The following CACNA1I variants were observed in gnomAD, a reference collection of about 807,000 sequenced individuals.
CACNA1I encodes the protein calcium voltage-gated channel subunit alpha1 I.
Under a neutral mutation model 201.6 loss-of-function variants are expected in CACNA1I, and 74 were observed. That is an observed-to-expected ratio of 0.37 (90% CI 0.30 to 0.45). CACNA1I has a LOEUF of 0.45. Among genes scored for constraint, CACNA1I ranks in the 20% least tolerant of loss-of-function variants. The pLI is 1.00. For synonymous variants in CACNA1I, 1,431 were observed against 1,345.2 expected (o/e 1.06, Z -1.40); for missense variants, 2,346 against 3,138.1 (o/e 0.75, Z 6.03).
intron 4 of CACNA1I, among the ~76,000 whole-genome samples, chr22:39,626,620 C>T (rs563545116): frequency 2.0e-5 from 3 of 151,840 alleles, no homozygotes; most frequent in Admixed American, 6.6e-5. Context: ...TTCTTTGAGA[C>T]GGAGTCTTGC....
rs1036442285 is a variant in CACNA1I, at chr22:39,677,440, G to A, written c.4933+21G>A. ...GCTGGGTGAGTGACTCCCAGAGCAG[G>A]CCCGTGGTGGGGGTGCAGCAGGGCT... is the stretch of plus-strand genomic sequence containing the variant. On this transcript the variant is annotated intron_variant, in intron 30 of 36. Coordinates refer to ENST00000402142, the MANE Select transcript of CACNA1I (RefSeq NM_021096.4). This position sits in a 1 kb window ranked among gnomAD's most constrained non-coding sequence, Gnocchi z 4.8. The A allele has an allele frequency of 1.3e-5, 19 of 1,505,480 alleles. No homozygotes were observed. Among genetic ancestry groups the A allele is most frequent in the Middle Eastern group, 1.7e-4 (1 of 5,778 alleles). 93.3% of individuals were successfully genotyped at this position (1,505,480 alleles called of 1,614,324 possible). A position where few individuals can be genotyped will look rare whatever the true frequency, so the allele number is the denominator to read the frequency against.
chr22:39,597,766 A>G (rs918174887), intron 1 of CACNA1I, among the ~76,000 whole-genome samples: 4 of 152,212 alleles, frequency 2.6e-5, no homozygotes, highest in African/African-American at 9.6e-5. Flanking sequence ...GGGGAGGGAA[A>G]GGTGGTCAGA....
At chr22:39,644,074 G>T (rs1203380394) in intron 7 of CACNA1I, among the ~76,000 whole-genome samples, 2 of 152,222 alleles carry the variant, frequency 1.3e-5, no homozygotes, top group Non-Finnish European at 2.9e-5. Flanking sequence ...CCTGGAGGAG[G>T]TGATGCCAGA....
chr22:39,669,781 G>A (rs527968670), intron 24 of CACNA1I, among the ~76,000 whole-genome samples: 1 of 152,322 alleles, frequency 6.6e-6, no homozygotes, highest in South Asian at 2.1e-4. Flanking sequence ...ATAGGTCAAT[G>A]AGAGGAAGAA....
chr22:39,575,873 C>G (rs1195142617), intron 1 of CACNA1I, among the ~76,000 whole-genome samples: 6 of 151,808 alleles, frequency 4.0e-5, no homozygotes, highest in Non-Finnish European at 7.4e-5. Context: ...CTCCTGGGTT[C>G]AAGTGATTCT....
Position 39,684,478 on chromosome 22 carries a change from A to C in CACNA1I, c.6007A>C (p.Asn2003His). The change falls in exon 36 of 37, where the codon AAC becomes CAC. Residue 2003 changes from asparagine (N) to histidine (H), a missense_variant. Asn to His is a moderately conservative substitution (Grantham distance 68, BLOSUM62 1). Around this residue, in one of 13 missense-constraint regions of CACNA1I, gnomAD observed 441 missense variants for 555.6 expected, o/e 0.79. Coordinates refer to ENST00000402142, the MANE Select transcript of CACNA1I (RefSeq NM_021096.4). This position sits in a 1 kb window ranked among gnomAD's most constrained non-coding sequence, Gnocchi z 4.6. The part of the protein sequence containing the change: ...SWASLRSPRV[N>H]CTLLRQATGS... ...GGCATCTCTGCGGTCACCAAGGGTC[A>C]ACTGTACCCTCCTCCGGCAGGTACC... is the stretch of plus-strand genomic sequence containing the variant. The C allele has an allele frequency of 6.2e-7, 1 of 1,613,236 alleles. No individual in the cohort carries two copies. Among genetic ancestry groups the C allele is most frequent in the Admixed American group, 1.7e-5 (1 of 60,002 alleles).
chr22:39,666,647 C>A lies in CACNA1I; in HGVS notation c.4104+641C>A, dbSNP rs1935206917. Among the ~76,000 whole-genome samples, 1 of 152,218 alleles carries A rather than the reference C, an allele frequency of 6.6e-6. No homozygotes were observed. Among genetic ancestry groups the A allele is most frequent in the Non-Finnish European group, 1.5e-5 (1 of 68,028 alleles). The stretch of plus-strand genomic sequence containing the variant: ...TGCTCTCATTTCTCGAGGGCCTGCC[C>A]AGGAGGCCAGGTATGTCCAGACGTA... On this transcript the variant is annotated intron_variant, in intron 23 of 36. Coordinates refer to ENST00000402142, the MANE Select transcript of CACNA1I (RefSeq NM_021096.4). The surrounding 1 kb of genome is among the most constrained non-coding windows in gnomAD (Gnocchi z 4.1).
At chr22:39,598,298 T>TGCC (rs1555902391) in intron 2 of CACNA1I, 36 bp downstream of exon 2, 159 of 878,632 alleles carry the variant, frequency 1.8e-4, no homozygotes, top group Non-Finnish European at 2.1e-4. Flanking sequence ...CGCCCTGCCC[T>TGCC]CATCCTCCAG....
At chr22:39,616,782 A>G (rs983383481) in intron 3 of CACNA1I, among the ~76,000 whole-genome samples, 2 of 60,354 alleles carry the variant, frequency 3.3e-5, no homozygotes, top group Non-Finnish European at 5.7e-5. Flanking sequence ...AAAAAAAAAA[A>G]AAAAAGAAAA....
chr22:39,650,075 T>A, intron 10 of CACNA1I, 150 bp downstream of exon 10: 1 of 792,902 alleles, frequency 1.3e-6, no homozygotes, highest in Non-Finnish European at 2.0e-6. Flanking sequence ...TTCATCCATG[T>A]GACCTTACTG....
intron 25 of CACNA1I, 86 bp from the exon 26 acceptor site, chr22:39,670,717 C>A: frequency 7.4e-7 from 1 of 1,351,144 alleles, no homozygotes. Context: ...TCCCTTTCCT[C>A]CACCTTTCTG....
chr22:39,595,967 TTGGG>T (rs1932879088), intron 1 of CACNA1I, among the ~76,000 whole-genome samples: 1 of 147,964 alleles, frequency 6.8e-6, no homozygotes, highest in South Asian at 2.2e-4. Context: ...GGTGATGAGG[TTGGG>T]TGGAGACTTC....
chr22:39,600,819 C>T (rs1933010061), intron 3 of CACNA1I, among the ~76,000 whole-genome samples, 166 bp downstream of exon 3: 1 of 152,164 alleles, frequency 6.6e-6, no homozygotes, highest in South Asian at 2.1e-4. Context: ...ACATTCTTTC[C>T]TCCCTTCCTA....
chr22:39,627,406 C>T (rs1227350611), intron 4 of CACNA1I, among the ~76,000 whole-genome samples: 2 of 152,246 alleles, frequency 1.3e-5, no homozygotes, highest in African/African-American at 4.8e-5. Flanking sequence ...CCTGTGCAGA[C>T]GCCCCTGTGG....
intron 1 of CACNA1I, among the ~76,000 whole-genome samples, chr22:39,581,326 G>A (rs970482597): frequency 2.0e-5 from 3 of 152,186 alleles, no homozygotes; most frequent in Admixed American, 6.5e-5. Context: ...ATAGCCTGGT[G>A]TGTGGGCTGG....
chr22:39,597,632 G>A (rs1932921183), intron 1 of CACNA1I, among the ~76,000 whole-genome samples: 1 of 152,248 alleles, frequency 6.6e-6, no homozygotes, highest in South Asian at 2.1e-4. Context: ...CCCTACCTGA[G>A]CCCTAACCCT....
intron 3 of CACNA1I, among the ~76,000 whole-genome samples, chr22:39,617,462 G>A (rs1933575156): frequency 6.6e-6 from 1 of 151,958 alleles, no homozygotes; most frequent in Non-Finnish European, 1.5e-5. Flanking sequence ...AGAAAGAGAG[G>A]CTGCGTCTGT....
intron 1 of CACNA1I, among the ~76,000 whole-genome samples, chr22:39,574,140 G>A (rs1005591202): frequency 3.3e-5 from 5 of 152,170 alleles, no homozygotes; most frequent in African/African-American, 1.2e-4. Flanking sequence ...AAACTTCTGC[G>A]ACAGTCTAAG....
chr22:39,582,080 G>T (rs1285595663), intron 1 of CACNA1I, among the ~76,000 whole-genome samples: 1 of 152,216 alleles, frequency 6.6e-6, no homozygotes, highest in Non-Finnish European at 1.5e-5. Context: ...GGACAGAGCA[G>T]GGGGTGCTGA....
Sources: allele counts gnomAD v4.1 joint callset (sites outside exome capture counted in the v4.1 genomes callset), GRCh38; gene constraint gnomAD v4.1.1; regional missense constraint gnomAD v4.1.1; non-coding constraint Gnocchi (gnomAD v3.1); transcripts MANE v1.5; gene names NCBI Gene and HGNC (gene_info 2026-07-23, HGNC 2026-07-21).